LRRC4C: variants seen among roughly 807,000 people sequenced by gnomAD.
The protein encoded by LRRC4C is leucine-rich repeat-containing protein 4C.
LRRC4C carries 5 observed loss-of-function variants against 33.6 expected under a neutral mutation model. The ratio of observed to expected loss-of-function variants is 0.15; its 90% CI spans 0.08 to 0.31. LRRC4C has a LOEUF of 0.31. Ranked by LOEUF, LRRC4C falls within the 10% of genes least tolerant of loss-of-function variation. The pLI is 1.00. For missense variants in LRRC4C, 560 were observed against 796.7 expected (o/e 0.70, Z 3.58); for synonymous variants, 329 against 302.0 (o/e 1.09, Z -0.93).
At chr11:41,345,972 G>GT (rs5791435) in intron 1 of LRRC4C, among the ~76,000 whole-genome samples, 95,043 of 151,954 alleles carry the variant, frequency 0.63, 30,479 homozygotes, top group East Asian at 0.79. Context: ...CTATACATAT[G>GT]TTTTTCCAGA....
chr11:41,086,170 C>A (rs1939973748), intron 1 of LRRC4C, among the ~76,000 whole-genome samples: 1 of 152,068 alleles, frequency 6.6e-6, no homozygotes, highest in South Asian at 2.1e-4. Flanking sequence ...TGTGCTTCCA[C>A]TAACACTTTA....
intron 1 of LRRC4C, among the ~76,000 whole-genome samples, chr11:41,370,005 AT>A (rs948086744): frequency 1.3e-5 from 2 of 152,154 alleles, no homozygotes; most frequent in Non-Finnish European, 2.9e-5. Context: ...AATATTTTAC[AT>A]TTTTTTCAAA....
intron 1 of LRRC4C, among the ~76,000 whole-genome samples, chr11:41,088,636 G>T (rs1940178732): frequency 1.3e-5 from 2 of 152,026 alleles, no homozygotes; most frequent in South Asian, 2.1e-4. Context: ...GATAAGTTGA[G>T]GAGAAAAGCA....
chr11:40,918,700 C>T (rs1957057226), intron 2 of LRRC4C, among the ~76,000 whole-genome samples: 1 of 152,118 alleles, frequency 6.6e-6, no homozygotes, highest in Admixed American at 6.6e-5. Flanking sequence ...GTCTTAAAAA[C>T]TGAGTTCAGA....
At chr11:41,025,745 A>G (rs913830605) in intron 1 of LRRC4C, among the ~76,000 whole-genome samples, 2 of 151,776 alleles carry the variant, frequency 1.3e-5, no homozygotes, top group Non-Finnish European at 3.0e-5. Flanking sequence ...TCAAGGAGAC[A>G]GCCTTATACT....
chr11:41,156,706 C>T (rs1438824028), intron 1 of LRRC4C, among the ~76,000 whole-genome samples: 7 of 151,660 alleles, frequency 4.6e-5, no homozygotes, highest in East Asian at 1.9e-4. Context: ...GCAAGAAAAG[C>T]GGAGGGGCAT....
chr11:41,202,041 T>A (rs981575777), intron 1 of LRRC4C, among the ~76,000 whole-genome samples: 9 of 152,184 alleles, frequency 5.9e-5, no homozygotes, highest in African/African-American at 1.9e-4. Flanking sequence ...GCCTCACTCG[T>A]AATGCCTCAT....
chr11:40,696,869 G>A (rs1945589896), intron 2 of LRRC4C, among the ~76,000 whole-genome samples: 1 of 149,058 alleles, frequency 6.7e-6, no homozygotes, highest in Non-Finnish European at 1.5e-5. Flanking sequence ...CTTTGCTACA[G>A]GCACATGGAG....
Position 40,752,766 on chromosome 11 carries a change from C to T in LRRC4C, c.-406-104488G>A, listed in dbSNP as rs535808679. ...ACCATACAATCCAGCAATGCCACTACTGGGAATTTATCCAAAGGAAAATAA... is the reference window on the plus strand; with the variant it reads ...ACCATACAATCCAGCAATGCCACTATTGGGAATTTATCCAAAGGAAAATAA... On this transcript the variant is annotated intron_variant, in intron 2 of 6. Coordinates refer to ENST00000528697, the MANE Select transcript of LRRC4C (RefSeq NM_001258419.2). Among the ~76,000 whole-genome samples the T allele has an allele frequency of 2.6e-5, 4 of 152,232 alleles. No homozygotes were observed. In the South Asian group the frequency reaches 6.2e-4, roughly 24 times the overall value.
intron 1 of LRRC4C, among the ~76,000 whole-genome samples, chr11:41,115,421 G>C (rs1419194087): frequency 1.4e-5 from 2 of 146,860 alleles, no homozygotes; most frequent in Middle Eastern, 3.2e-3. Context: ...TAGTGATTTT[G>C]CTCCTTATTT....
At chr11:41,031,941 A>T (rs2137829038) in intron 1 of LRRC4C, among the ~76,000 whole-genome samples, 1 of 152,174 alleles carries the variant, frequency 6.6e-6, no homozygotes, top group South Asian at 2.1e-4. Context: ...TGGTTAAAAA[A>T]GTACACCAGG....
intron 1 of LRRC4C, among the ~76,000 whole-genome samples, chr11:41,287,995 G>A (rs768380046): frequency 6.6e-6 from 1 of 152,146 alleles, no homozygotes; most frequent in Non-Finnish European, 1.5e-5. Flanking sequence ...AGATGTGGGA[G>A]GTTCAGGACA....
At chr11:40,897,816 G>A (rs1369665984) in intron 2 of LRRC4C, among the ~76,000 whole-genome samples, 1 of 152,088 alleles carries the variant, frequency 6.6e-6, no homozygotes, top group Non-Finnish European at 1.5e-5. Flanking sequence ...TGATCCCTCT[G>A]TAAAACATAC....
intron 1 of LRRC4C, among the ~76,000 whole-genome samples, chr11:41,127,898 G>A (rs1942824519): frequency 6.6e-6 from 1 of 152,050 alleles, no homozygotes; most frequent in Non-Finnish European, 1.5e-5. Context: ...GGGATTTGGG[G>A]ATGTTTGTTA....
chr11:41,254,030 T>C lies in LRRC4C; in HGVS notation c.-496+205401A>G, dbSNP rs986192598. 2.6e-5 allele frequency among the ~76,000 whole-genome samples: 4 copies of C among 152,210 alleles called. 1 individual carries two copies. The South Asian group carries it at 8.3e-4, about 32-fold the overall frequency. On this transcript the variant is annotated intron_variant, in intron 1 of 6. Transcript: ENST00000528697. Reference sequence around the variant, plus strand: ...CTGTTTGTATAGGGCCCACTCAGTTTCCATCATATTACAAAATATATATAC... The same window carrying C: ...CTGTTTGTATAGGGCCCACTCAGTTCCCATCATATTACAAAATATATATAC...
intron 4 of LRRC4C, among the ~76,000 whole-genome samples, chr11:40,244,729 G>A (rs1427405163): frequency 6.6e-6 from 1 of 151,842 alleles, no homozygotes; most frequent in Non-Finnish European, 1.5e-5. Flanking sequence ...GGGCTAAGGG[G>A]AAGGTTTTTT....
chr11:40,792,931 G>A (rs945170166), intron 2 of LRRC4C, among the ~76,000 whole-genome samples: 4 of 151,918 alleles, frequency 2.6e-5, no homozygotes, highest in Non-Finnish European at 2.9e-5. Flanking sequence ...GGTGGGAATT[G>A]AACAATGAGA....
At chr11:40,495,803 CAATA>C (rs146126996) in intron 3 of LRRC4C, among the ~76,000 whole-genome samples, 10,035 of 107,078 alleles carry the variant, frequency 0.094, 519 homozygotes, top group Non-Finnish European at 0.11. Flanking sequence ...TTGAAGTTCT[CAATA>C]AACATGTTTT....
intron 1 of LRRC4C, among the ~76,000 whole-genome samples, chr11:41,382,909 A>T (rs529262332): frequency 6.6e-6 from 1 of 152,256 alleles, no homozygotes; most frequent in East Asian, 1.9e-4. Context: ...CAATAGAGTC[A>T]TACATATTCA....
Sources: allele counts gnomAD v4.1 joint callset (sites outside exome capture counted in the v4.1 genomes callset), GRCh38; gene constraint gnomAD v4.1.1; transcripts MANE v1.5; gene names NCBI Gene and HGNC (gene_info 2026-07-23, HGNC 2026-07-21).